SPIN1: variants seen among roughly 807,000 people sequenced by gnomAD.
The protein encoded by SPIN1 is spindlin-1.
SPIN1 carries 3 observed loss-of-function variants against 26.0 expected under a neutral mutation model. That is an observed-to-expected ratio of 0.12 (90% confidence interval 0.05 to 0.30). SPIN1 has a LOEUF of 0.30. SPIN1 is among the 10% of genes least tolerant of loss of function. The pLI is 1.00. For missense variants in SPIN1, 126 were observed against 333.4 expected (o/e 0.38, Z 4.84); for synonymous variants, 101 against 116.5 (o/e 0.87, Z 0.86).
chr9:88,441,948 T>C (rs569052322), intron 2 of SPIN1, among the ~76,000 whole-genome samples: 2 of 93,520 alleles, frequency 2.1e-5, no homozygotes, highest in Non-Finnish European at 3.7e-5. Context: ...CTGACCTATA[T>C]TTTCCTTTTT....
At chr9:88,404,308 A>C (rs1483954471) in intron 1 of SPIN1, among the ~76,000 whole-genome samples, 3 of 152,200 alleles carry the variant, frequency 2.0e-5, no homozygotes, top group African/African-American at 7.2e-5. Context: ...CACTAAATTT[A>C]TAGAAAAATT....
chr9:88,472,985 C>T (rs895686091), intron 5 of SPIN1, among the ~76,000 whole-genome samples: 9 of 152,266 alleles, frequency 5.9e-5, no homozygotes, highest in African/African-American at 1.7e-4. Context: ...ATACATTAGC[C>T]ATGCGTCAGT....
chr9:88,423,434 TTTTGTTTG>T (rs141940848), intron 1 of SPIN1, among the ~76,000 whole-genome samples: 133 of 151,756 alleles, frequency 8.8e-4, no homozygotes, highest in Admixed American at 4.2e-3. Context: ...TTTGTGGGTT[TTTTGTTTG>T]TTTGTTTGTT....
intron 1 of SPIN1, among the ~76,000 whole-genome samples, chr9:88,406,032 TGTGTGTGTGTAC>T: frequency 6.7e-6 from 1 of 149,558 alleles, no homozygotes. Flanking sequence ...TGTGTGTGTG[TGTGTGTGTGTAC>T]GTGTACGTGT....
At chr9:88,474,611 A>AGTAATCCCTGT (rs1828852715) in intron 5 of SPIN1, among the ~76,000 whole-genome samples, 1 of 152,228 alleles carries the variant, frequency 6.6e-6, no homozygotes, top group South Asian at 2.1e-4. Flanking sequence ...CCATATTCTC[A>AGTAATCCCTGT]GTAATCCCTG....
chr9:88,426,583 C>A lies in SPIN1; in HGVS notation c.44C>A (p.Ala15Asp). Reference protein sequence around the residue: ...FGKTPGQRSRADAGHAGVSAN... With the variant: ...FGKTPGQRSRDDAGHAGVSAN... ...AAGACACCTGGCCAGCGGTCCAGAG[C>A]TGATGCAGGTAGGCATTGCGGTTCT... The change falls in exon 2 of 6, where the codon GCT (alanine) becomes GAT (aspartate). Residue 15 changes from alanine (A) to aspartate (D), a missense_variant. Ala to Asp is a moderately radical substitution (Grantham distance 126, BLOSUM62 -2). This residue lies in a region of SPIN1 where 63 missense variants were observed against 101.3 expected (regional missense o/e 0.62). Coordinates refer to ENST00000375859, the MANE Select transcript of SPIN1 (RefSeq NM_006717.3). 6.2e-7 allele frequency: 1 copy of A among 1,613,380 alleles called. No individual in the cohort carries two copies.
chr9:88,391,117 C>T (rs190350254), intron 1 of SPIN1, among the ~76,000 whole-genome samples: 13 of 152,226 alleles, frequency 8.5e-5, no homozygotes, highest in African/African-American at 3.1e-4. Flanking sequence ...ACACTTAGGA[C>T]CTACTGGCTC....
chr9:88,418,584 A>G (rs972617731), intron 1 of SPIN1, among the ~76,000 whole-genome samples: 2 of 152,198 alleles, frequency 1.3e-5, no homozygotes, highest in African/African-American at 2.4e-5. Context: ...TTTTCTTTTT[A>G]TAAATAGCAC....
At position 88,475,511 on chromosome 9, in the gene SPIN1, C is replaced by G; in HGVS notation, c.*234C>G. On this transcript the variant is annotated 3_prime_UTR_variant, in exon 6 of 6. Transcript: ENST00000375859. ...AGTCTGTCTATTTCGAGGGGAGTTACAGGCAAGTTTGGTAAAAGTTAAGCT... is the reference window on the plus strand; with the variant it reads ...AGTCTGTCTATTTCGAGGGGAGTTAGAGGCAAGTTTGGTAAAAGTTAAGCT... 1 of 353,402 alleles carries G rather than the reference C, an allele frequency of 2.8e-6. No individual in the cohort carries two copies. Among genetic ancestry groups the G allele is most frequent in the South Asian group, 6.6e-5 (1 of 15,084 alleles). 21.9% of individuals were successfully genotyped at this position (353,402 alleles called of 1,614,324 possible). A position where few individuals can be genotyped will look rare whatever the true frequency, so the allele number is the denominator to read the frequency against.
intron 1 of SPIN1, among the ~76,000 whole-genome samples, chr9:88,405,842 TTTTG>T (rs1442384917): frequency 6.6e-6 from 1 of 151,862 alleles, no homozygotes; most frequent in South Asian, 2.1e-4. Context: ...TTATAATTTT[TTTTG>T]TTTGTTTTTG....
intron 2 of SPIN1, among the ~76,000 whole-genome samples, chr9:88,434,772 AT>A (rs1827965785): frequency 6.6e-6 from 1 of 152,082 alleles, no homozygotes; most frequent in Non-Finnish European, 1.5e-5. Context: ...AATAGCTACA[AT>A]GAGCTGCGCG....
chr9:88,410,162 A>AGTGTGT (rs138037814), intron 1 of SPIN1, among the ~76,000 whole-genome samples: 8,497 of 132,908 alleles, frequency 0.064, 559 homozygotes, highest in African/African-American at 0.17. Context: ...GCATATATTT[A>AGTGTGT]GTGTGTGTGT....
At chr9:88,388,836 A>T (rs1826849114) in intron 1 of SPIN1, among the ~76,000 whole-genome samples, 1 of 149,810 alleles carries the variant, frequency 6.7e-6, no homozygotes, top group East Asian at 2.0e-4. Context: ...TCTCGTCCCC[A>T]GTTCCCCGGC....
At chr9:88,443,458 T>C (rs1204252958) in intron 2 of SPIN1, among the ~76,000 whole-genome samples, 1 of 152,242 alleles carries the variant, frequency 6.6e-6, no homozygotes, top group Non-Finnish European at 1.5e-5. Flanking sequence ...TTCTTTCATG[T>C]TGTCTGTATT....
At chr9:88,429,412 TTCTGG>T (rs1397110496) in intron 2 of SPIN1, among the ~76,000 whole-genome samples, 1 of 152,224 alleles carries the variant, frequency 6.6e-6, no homozygotes, top group Non-Finnish European at 1.5e-5. Context: ...CCTCTGGAAC[TTCTGG>T]TCTGAACAGC....
intron 2 of SPIN1, among the ~76,000 whole-genome samples, chr9:88,431,576 C>G (rs913448353): frequency 6.6e-6 from 1 of 152,208 alleles, no homozygotes; most frequent in African/African-American, 2.4e-5. Context: ...AGAAGTAGGC[C>G]ACTGTGCCCA....
At chr9:88,457,147 G>A (rs1370088136) in intron 3 of SPIN1, among the ~76,000 whole-genome samples, 1 of 151,852 alleles carries the variant, frequency 6.6e-6, no homozygotes, top group Non-Finnish European at 1.5e-5. Context: ...ACTACAAATG[G>A]GTGATAATTT....
At chr9:88,398,005 T>C (rs1030615303) in intron 1 of SPIN1, among the ~76,000 whole-genome samples, 14 of 151,230 alleles carry the variant, frequency 9.3e-5, no homozygotes, top group African/African-American at 3.4e-4. Flanking sequence ...CATTGCAGCC[T>C]CGACCTTCCC....
intron 2 of SPIN1, 77 bp from the exon 3 acceptor site, chr9:88,448,864 C>T: frequency 7.1e-7 from 1 of 1,409,680 alleles, no homozygotes; most frequent in South Asian, 1.2e-5. Context: ...AGCAGTTTTT[C>T]AGAAGTTAAG....
Sources: allele counts gnomAD v4.1 joint callset (sites outside exome capture counted in the v4.1 genomes callset), GRCh38; gene constraint gnomAD v4.1.1; regional missense constraint gnomAD v4.1.1; transcripts MANE v1.5; gene names NCBI Gene and HGNC (gene_info 2026-07-23, HGNC 2026-07-21).